Variants in LIMCH1 observed in about 807,000 individuals in gnomAD.
LIMCH1 encodes the protein LIM and calponin homology domains-containing protein 1.
LIMCH1 carries 113 observed loss-of-function variants against 176.5 expected under a neutral mutation model. The observed-to-expected ratio is 0.64, with a 90% CI of 0.55 to 0.75. The LOEUF (loss-of-function observed/expected upper bound fraction) is 0.75. LIMCH1 is among the 30% of genes least tolerant of loss of function. LIMCH1 has a pLI of 0.00. For missense variants in LIMCH1, 1,674 were observed against 1,814.9 expected (o/e 0.92, Z 1.41); for synonymous variants, 619 against 645.9 (o/e 0.96, Z 0.63).
rs925701254 is a variant in LIMCH1, at chr4:41,417,766, C to T, written c.96+56830C>T. 8.5e-5 allele frequency among the ~76,000 whole-genome samples: 13 copies of T among 152,124 alleles called. 1 individual carries two copies. The South Asian group carries it at 1.2e-3, about 15-fold the overall frequency. On this transcript the variant is annotated intron_variant, in intron 1 of 26. Coordinates refer to the LIMCH1 transcript ENST00000313860. ...CTTGAACTCCTGGGTTCAATAGAGC[C>T]GCCCACCTCAGCCTCCCAAAATGCT... is the stretch of plus-strand genomic sequence containing the variant.
intron 1 of LIMCH1, among the ~76,000 whole-genome samples, chr4:41,400,156 G>A (rs1053794711): frequency 2.0e-5 from 3 of 151,972 alleles, no homozygotes; most frequent in African/African-American, 7.2e-5. Flanking sequence ...AATACTTGAG[G>A]AAATAAAATA....
At chr4:41,595,271 G>C (rs1444513554) in intron 1 of LIMCH1, among the ~76,000 whole-genome samples, 4 of 152,166 alleles carry the variant, frequency 2.6e-5, no homozygotes, top group African/African-American at 9.7e-5. Context: ...ACATCATAGA[G>C]AAAGAGAAGA....
At chr4:41,600,981 C>T (rs2089820638) in intron 2 of LIMCH1, among the ~76,000 whole-genome samples, 1 of 151,934 alleles carries the variant, frequency 6.6e-6, no homozygotes, top group South Asian at 2.1e-4. Context: ...CTTTTTAATC[C>T]CGTCTTTCCA....
chr4:41,559,389 C>T (rs1295575337), intron 1 of LIMCH1, among the ~76,000 whole-genome samples: 2 of 152,046 alleles, frequency 1.3e-5, no homozygotes, highest in African/African-American at 4.8e-5. Flanking sequence ...CTGAACCAAG[C>T]CCCACTATTA....
chr4:41,361,385 C>T (rs1471807460), intron 1 of LIMCH1, among the ~76,000 whole-genome samples: 1 of 152,250 alleles, frequency 6.6e-6, no homozygotes, highest in Non-Finnish European at 1.5e-5. Flanking sequence ...TCCCCCTACC[C>T]CGCACCCTTC....
chr4:41,524,269 A>G, intron 2 of LIMCH1: 2 of 704,324 alleles, frequency 2.8e-6, no homozygotes, highest in Non-Finnish European at 2.6e-6. Context: ...ATGAAGGCTG[A>G]TAGATTATTG....
intron 26 of LIMCH1, among the ~76,000 whole-genome samples, chr4:41,683,932 C>CAA: frequency 6.6e-6 from 1 of 152,336 alleles, no homozygotes; most frequent in African/African-American, 2.4e-5. Flanking sequence ...TCCAGACAGG[C>CAA]ATTTTACATG....
chr4:41,361,825 G>A (rs2052125080), intron 1 of LIMCH1, among the ~76,000 whole-genome samples: 1 of 150,408 alleles, frequency 6.6e-6, no homozygotes, highest in South Asian at 2.1e-4. Flanking sequence ...AAGGGGAAAG[G>A]TGACCCCCTA....
At chr4:41,512,040 A>T (rs2074990818) in intron 2 of LIMCH1, among the ~76,000 whole-genome samples, 1 of 152,228 alleles carries the variant, frequency 6.6e-6, no homozygotes, top group African/African-American at 2.4e-5. Flanking sequence ...ATATATAAAG[A>T]GCTCTTATAA....
At chr4:41,563,668 T>G (rs1162106663) in intron 1 of LIMCH1, among the ~76,000 whole-genome samples, 1 of 152,184 alleles carries the variant, frequency 6.6e-6, no homozygotes, top group African/African-American at 2.4e-5. Flanking sequence ...AGCACCTCCC[T>G]CTACCCATCC....
At chr4:41,520,185 T>G (rs1292731177) in intron 2 of LIMCH1, among the ~76,000 whole-genome samples, 1 of 151,432 alleles carries the variant, frequency 6.6e-6, no homozygotes, top group Non-Finnish European at 1.5e-5. Flanking sequence ...AATCTAGAAG[T>G]CTTACCTGGG....
intron 17 of LIMCH1, among the ~76,000 whole-genome samples, chr4:41,649,508 A>G (rs2094202653): frequency 1.3e-5 from 2 of 152,256 alleles, no homozygotes; most frequent in Admixed American, 6.5e-5. Context: ...TTGATAATCC[A>G]TAAAATCTCC....
At chr4:41,594,171 C>T (rs926419197) in intron 1 of LIMCH1, among the ~76,000 whole-genome samples, 6 of 152,130 alleles carry the variant, frequency 3.9e-5, no homozygotes, top group Non-Finnish European at 8.8e-5. Flanking sequence ...GACTATTACA[C>T]CCTTATTTAG....
In LIMCH1 at chr4:41,460,458, C is replaced by CTATCTATA. The variant is rs1554057133; in HGVS notation, c.97-34075_97-34074insCTATATAT. Among the ~76,000 whole-genome samples the CTATCTATA allele has an allele frequency of 5.4e-5, 6 of 110,546 alleles. 1 individual carries two copies. The highest frequency in any genetic ancestry group is 1.2e-4 in the African/African-American group (3 of 25,194). The allele number at this position is 110,546 out of a possible 152,430, so 72.5% of individuals were successfully genotyped here. Reference sequence around the variant, plus strand: ...AAATTTGTTCCACTATAGTAATCATCTATATATATATATATATATATCTTA... The same window carrying CTATCTATA: ...AAATTTGTTCCACTATAGTAATCATCTATCTATATATATATATATATATATATATCTTA... On this transcript the variant is annotated intron_variant, in intron 1 of 26. Coordinates refer to the LIMCH1 transcript ENST00000313860.
In LIMCH1 at chr4:41,475,010, T is replaced by G. The variant is rs369634651; in HGVS notation, c.97-19526T>G. On this transcript the variant is annotated intron_variant, in intron 1 of 26. Transcript: ENST00000313860. ...AAAAAAAGCCAGGAAATTCTGTCAT[T>G]TGGACAATATGAGCGAACCTAGAGG... Among the ~76,000 whole-genome samples, 191 of 152,226 alleles carry G rather than the reference T, an allele frequency of 1.3e-3. 1 individual carries two copies. The highest frequency in any genetic ancestry group is 3.9e-3 in the African/African-American group (164 of 41,520).
chr4:41,416,529 G>A (rs2059948840), intron 1 of LIMCH1, among the ~76,000 whole-genome samples: 1 of 151,742 alleles, frequency 6.6e-6, no homozygotes, highest in Non-Finnish European at 1.5e-5. Flanking sequence ...GTGGTAGCGG[G>A]CGCCTGTAAT....
intron 1 of LIMCH1, among the ~76,000 whole-genome samples, chr4:41,580,629 A>G (rs1561817447): frequency 6.6e-6 from 1 of 152,188 alleles, no homozygotes; most frequent in East Asian, 1.9e-4. Context: ...AGAAATAAAG[A>G]GAAACAAAAT....
Position 41,629,603 on chromosome 4 carries a change from T to A in LIMCH1, c.1140T>A (p.Asp380Glu). ...GLRKVPDLHK[D>E]DLAQQRIQGS... ...GGAAGGTGCCAGATCTTCACAAGGA[T>A]GACCTGGCCCAGCAGAGAATTCAGG... The change falls in exon 9 of 32, where the codon GAT becomes GAA. Residue 380 changes from aspartate to glutamate, a missense_variant. Physicochemically the swap from Asp to Glu is conservative, Grantham distance 45 (BLOSUM62 2). This residue lies in a region of LIMCH1 where 655 missense variants were observed against 692.2 expected (regional missense o/e 0.95). Coordinates refer to ENST00000503057, the MANE Select transcript of LIMCH1 (RefSeq NM_001330672.2). 1 of 1,536,074 alleles carries A rather than the reference T, an allele frequency of 6.5e-7. No homozygotes were observed. Among genetic ancestry groups the A allele is most frequent in the Non-Finnish European group, 8.7e-7 (1 of 1,146,910 alleles).
Position 41,562,742 on chromosome 4 carries a change from T to G in LIMCH1, c.-241+24392T>G, listed in dbSNP as rs537417999. 3.9e-5 allele frequency among the ~76,000 whole-genome samples: 6 copies of G among 152,248 alleles called. No individual in the cohort carries two copies. The South Asian group carries it at 1.2e-3, about 32-fold the overall frequency. On this transcript the variant is annotated intron_variant, in intron 1 of 31. Transcript: ENST00000503057. The stretch of plus-strand genomic sequence containing the variant: ...TAAGTATTGATCCCTGTATCTCCCT[T>G]CTGTAGGGCTAAGGATTTGACAGAA...
Sources: allele counts gnomAD v4.1 joint callset (sites outside exome capture counted in the v4.1 genomes callset), GRCh38; gene constraint gnomAD v4.1.1; regional missense constraint gnomAD v4.1.1; transcripts MANE v1.5; gene names NCBI Gene and HGNC (gene_info 2026-07-23, HGNC 2026-07-21).